Variants in ADGRL1 observed in about 807,000 individuals in gnomAD.
ADGRL1 encodes the protein adhesion G protein-coupled receptor L1.
A neutral mutation model predicts 148.9 loss-of-function variants in ADGRL1; 31 were observed. That is an observed-to-expected ratio of 0.21 (90% CI 0.16 to 0.28). The LOEUF is 0.28. Ranked by LOEUF, ADGRL1 falls within the 10% of genes least tolerant of loss-of-function variation. ADGRL1 has a pLI of 1.00. For synonymous variants in ADGRL1, 937 were observed against 900.3 expected, an observed-to-expected ratio of 1.04 and a Z score of -0.73; for missense variants, 1,521 against 2,058.8, an observed-to-expected ratio of 0.74 and a Z score of 5.05.
At chr19:14,194,500 C>T (rs571399928) in intron 1 of ADGRL1, among the ~76,000 whole-genome samples, 19 of 152,348 alleles carry the variant, frequency 1.2e-4, no homozygotes, top group Admixed American at 5.2e-4. Flanking sequence ...GCAGCTTCCA[C>T]GTGTAACTCA....
At chr19:14,191,206 C>T (rs771435386) in intron 1 of ADGRL1, 3 of 456,666 alleles carry the variant, frequency 6.6e-6, no homozygotes, top group African/African-American at 6.0e-5. Flanking sequence ...CCTCCAGCCT[C>T]AGCCTGTCCC....
intron 1 of ADGRL1, among the ~76,000 whole-genome samples, chr19:14,203,837 T>A (rs1483545658): frequency 1.3e-5 from 2 of 149,738 alleles, no homozygotes; most frequent in East Asian, 3.9e-4. Context: ...CGCCCAGAAG[T>A]GGGGATTGAG....
In ADGRL1 at chr19:14,150,799, C is replaced by T. The variant is rs1968081476; in HGVS notation, c.*74G>A. Reference sequence around the variant, plus strand: ...CACCAGCCACTGCCTCCATCTGTCTCCCTCTCCCACCAGAGCCCTGCCCAG... The same window carrying T: ...CACCAGCCACTGCCTCCATCTGTCTTCCTCTCCCACCAGAGCCCTGCCCAG... On this transcript the variant is annotated 3_prime_UTR_variant, in exon 23 of 23. Coordinates refer to ENST00000361434, the MANE Select transcript of ADGRL1 (RefSeq NM_014921.5). The T allele has an allele frequency of 6.5e-7, 1 of 1,536,540 alleles. No individual in the cohort carries two copies. Among genetic ancestry groups the T allele is most frequent in the Non-Finnish European group, 8.8e-7 (1 of 1,139,330 alleles).
Position 14,160,554 on chromosome 19 carries a change from G to A in ADGRL1, c.1614+39C>T, listed in dbSNP as rs777097250. On this transcript the variant is annotated intron_variant, in intron 7 of 22. Transcript: ENST00000361434. This position sits in a 1 kb window ranked among gnomAD's most constrained non-coding sequence, Gnocchi z 5.9. The stretch of plus-strand genomic sequence containing the variant: ...CCGCTGGGCCCTGGGCCCTGGGCCC[G>A]AGCACATGTGCCTGCCTGCGAGGGG... The A allele has an allele frequency of 1.2e-4, 179 of 1,459,998 alleles. 1 individual carries two copies. The highest frequency in any genetic ancestry group is 8.2e-5 in the Admixed American group (4 of 48,582). The allele number at this position is 1,459,998 out of a possible 1,614,324, so 90.4% of individuals were successfully genotyped here.
intron 1 of ADGRL1, among the ~76,000 whole-genome samples, chr19:14,185,486 A>C (rs1368272756): frequency 6.6e-6 from 1 of 151,938 alleles, no homozygotes; most frequent in Non-Finnish European, 1.5e-5. Context: ...TAGAGACAGG[A>C]TCTTGCTATG....
In ADGRL1 at chr19:14,152,940, T is replaced by A. The variant is rs1313019596; in HGVS notation, c.3295-28A>T. 6.2e-7 allele frequency: 1 copy of A among 1,610,914 alleles called. No individual in the cohort carries two copies. Among genetic ancestry groups the A allele is most frequent in the East Asian group, 2.2e-5 (1 of 44,858 alleles). On this transcript the variant is annotated intron_variant, in intron 18 of 22. Transcript: ENST00000361434. This position sits in a 1 kb window ranked among gnomAD's most constrained non-coding sequence, Gnocchi z 6.1. ...GGGAGGTGGAGGACAGTCAGCTGGC[T>A]GGGACACTGGCCTCCTCTGTGATCC...
chr19:14,158,201 G>T, intron 12 of ADGRL1, 137 bp downstream of exon 12: 1 of 1,220,788 alleles, frequency 8.2e-7, no homozygotes. Flanking sequence ...AGAGCTCTGG[G>T]GACAAATGGC....
At chr19:14,151,685 G>A (rs544202147) in intron 22 of ADGRL1, 70 bp from the exon 23 acceptor site, 2 of 1,434,230 alleles carry the variant, frequency 1.4e-6, no homozygotes, top group Non-Finnish European at 1.9e-6. Context: ...GTGAGGGGGT[G>A]CGGTCCATGT....
chr19:14,187,092 C>T (rs1482594708), intron 1 of ADGRL1, among the ~76,000 whole-genome samples: 3 of 152,224 alleles, frequency 2.0e-5, no homozygotes, highest in Non-Finnish European at 4.4e-5. Flanking sequence ...AATCCCAGCA[C>T]TTTGGGAAGC....
intron 1 of ADGRL1, among the ~76,000 whole-genome samples, chr19:14,184,321 T>TG (rs987400998): frequency 6.6e-6 from 1 of 151,072 alleles, no homozygotes; most frequent in Non-Finnish European, 1.5e-5. Flanking sequence ...CCTCCCCCTC[T>TG]GGGGGGGCCA....
intron 2 of ADGRL1, among the ~76,000 whole-genome samples, chr19:14,183,084 CTAGGGCCGGCA>C (rs1327138858): frequency 6.6e-6 from 1 of 152,144 alleles, no homozygotes; most frequent in East Asian, 1.9e-4. Context: ...GTGCAGGATC[CTAGGGCCGGCA>C]TAGGGCCGAG....
intron 22 of ADGRL1, among the ~76,000 whole-genome samples, chr19:14,151,870 G>T (rs1165437939): frequency 1.3e-5 from 2 of 152,196 alleles, no homozygotes; most frequent in African/African-American, 4.8e-5. Flanking sequence ...CCAGCTGGAG[G>T]TTCAGAATCT....
rs3837937 is a variant in ADGRL1 at position 14,183,193 on chromosome 19, C to CAGAGAG, written c.70+334_70+339dup. Among the ~76,000 whole-genome samples, 351 of 145,390 alleles carry CAGAGAG rather than the reference C, an allele frequency of 2.4e-3. 7 individuals are homozygous for CAGAGAG. Among genetic ancestry groups the CAGAGAG allele is most frequent in the Middle Eastern group, 3.5e-3 (1 of 282 alleles). On this transcript the variant is annotated intron_variant, in intron 2 of 22. Transcript: ENST00000361434. ...AGTGAGAGCCTCGAAGATGTAATCA[C>CAGAGAG]AGAGAGAGAGAGAGAGAGAGAGAGC... is the stretch of plus-strand genomic sequence containing the variant.
rs778757253 is a variant in ADGRL1 at position 14,161,380 on chromosome 19, C to T, written c.1442G>A (p.Arg481Gln). The T allele has an allele frequency of 1.1e-5, 18 of 1,594,648 alleles. No individual in the cohort carries two copies. Among genetic ancestry groups the T allele is most frequent in the East Asian group, 4.5e-5 (2 of 44,008 alleles). ...CTGGGTGGCCGGCCACTGGACCCGC[C>T]GTACCTCTCGGGGCTCGCAGAAGAG... The part of the protein sequence containing the change: ...PELFCEPREV[R>Q]RVQWPATQQG... Residue 481 changes from arginine to glutamine, a missense_variant, in exon 6 of 23, where the codon CGG becomes CAG. Physicochemically the swap from Arg to Gln is conservative, Grantham distance 43 (BLOSUM62 1). This residue lies in a region of ADGRL1 where 270 missense variants were observed against 320.4 expected (regional missense o/e 0.84). Transcript: ENST00000361434. This position sits in a 1 kb window ranked among gnomAD's most constrained non-coding sequence, Gnocchi z 4.4.
In ADGRL1 at chr19:14,161,890, G is replaced by T. The variant is rs912067011; in HGVS notation, c.1196-264C>A. ...ATAAGGTCTGAGAGAACGGTCAGGG[G>T]AGAGGCAGGGACAGAGGTGTCTGGG... On this transcript the variant is annotated intron_variant, in intron 5 of 22. Coordinates refer to ENST00000361434, the MANE Select transcript of ADGRL1 (RefSeq NM_014921.5). This position sits in a 1 kb window ranked among gnomAD's most constrained non-coding sequence, Gnocchi z 4.4. Among the ~76,000 whole-genome samples the T allele has an allele frequency of 2.0e-5, 3 of 152,194 alleles. No individual in the cohort carries two copies. The highest frequency in any genetic ancestry group is 6.5e-5 in the Admixed American group (1 of 15,288).
Position 14,157,208 on chromosome 19 carries a change from C to T in ADGRL1, c.2745+43G>A. ...ACAGGTGTCCCCCTTCTTCTCCCGGCCCCCAGGCGCTGGCCGTCACCTGCC... is the reference window on the plus strand; with the variant it reads ...ACAGGTGTCCCCCTTCTTCTCCCGGTCCCCAGGCGCTGGCCGTCACCTGCC... On this transcript the variant is annotated intron_variant, in intron 14 of 22. Transcript: ENST00000361434. This position sits in a 1 kb window ranked among gnomAD's most constrained non-coding sequence, Gnocchi z 7.5. 16 of 1,612,848 alleles carry T rather than the reference C, an allele frequency of 9.9e-6. No individual in the cohort carries two copies. Among genetic ancestry groups the T allele is most frequent in the Non-Finnish European group, 1.4e-5 (16 of 1,179,110 alleles).
chr19:14,200,380 C>T (rs1972520919), intron 1 of ADGRL1, among the ~76,000 whole-genome samples: 2 of 152,240 alleles, frequency 1.3e-5, no homozygotes, highest in South Asian at 4.1e-4. Flanking sequence ...GCCCAGCCTT[C>T]ACTCCCAGAA....
chr19:14,201,001 T>C (rs935536254), intron 1 of ADGRL1, among the ~76,000 whole-genome samples: 1 of 152,164 alleles, frequency 6.6e-6, no homozygotes, highest in African/African-American at 2.4e-5. Context: ...GTCTGGAGAC[T>C]TTCTGAGGTG....
intron 1 of ADGRL1, among the ~76,000 whole-genome samples, chr19:14,193,432 C>G (rs56044494): frequency 3.3e-5 from 5 of 151,682 alleles, no homozygotes; most frequent in Non-Finnish European, 7.4e-5. Context: ...ACAAAAAACA[C>G]AAAAATTAGC....
Sources: allele counts gnomAD v4.1 joint callset (sites outside exome capture counted in the v4.1 genomes callset), GRCh38; gene constraint gnomAD v4.1.1; regional missense constraint gnomAD v4.1.1; non-coding constraint Gnocchi (gnomAD v3.1); transcripts MANE v1.5; gene names NCBI Gene and HGNC (gene_info 2026-07-23, HGNC 2026-07-21).